SLC25A21: variants seen among roughly 807,000 people sequenced by gnomAD.
The protein encoded by SLC25A21 is solute carrier family 25 member 21, also known as mitochondrial 2-oxodicarboxylate carrier.
SLC25A21 carries 47 observed loss-of-function variants against 43.8 expected under a neutral mutation model. The ratio of observed to expected loss-of-function variants is 1.07; its 90% CI spans 0.85 to 1.37. The LOEUF (loss-of-function observed/expected upper bound fraction) is 1.37. Among genes scored for constraint, SLC25A21 ranks in the 40% most tolerant of loss-of-function variants. The probability of loss-of-function intolerance (pLI) is 0.00; values close to 1 mark genes in which losing one functional copy is unlikely to be tolerated. For synonymous variants in SLC25A21, 131 were observed against 121.3 expected (o/e 1.08, Z -0.52); for missense variants, 352 against 350.2 (o/e 1.00, Z -0.04).
chr14:36,899,995 G>C (rs1387616746), intron 1 of SLC25A21, among the ~76,000 whole-genome samples: 1 of 152,086 alleles, frequency 6.6e-6, no homozygotes, highest in Non-Finnish European at 1.5e-5. Context: ...GGTTGTATGA[G>C]AGAAAATTCA....
chr14:36,815,796 T>C (rs1033643349), intron 2 of SLC25A21, among the ~76,000 whole-genome samples: 1 of 152,170 alleles, frequency 6.6e-6, no homozygotes, highest in African/African-American at 2.4e-5. Context: ...TTCTTTACCC[T>C]GCCTATTCCT....
chr14:36,754,127 A>G (rs1885833058), intron 3 of SLC25A21, among the ~76,000 whole-genome samples: 1 of 152,076 alleles, frequency 6.6e-6, no homozygotes, highest in Non-Finnish European at 1.5e-5. Flanking sequence ...CGTTATTCTG[A>G]GTGTTTCTGT....
At chr14:36,813,366 A>ATT (rs5807910) in intron 3 of SLC25A21, among the ~76,000 whole-genome samples, 37 of 149,370 alleles carry the variant, frequency 2.5e-4, no homozygotes, top group Admixed American at 8.0e-4. Context: ...GGACGCATCA[A>ATT]TTTTTTTTTT....
intron 2 of SLC25A21, among the ~76,000 whole-genome samples, chr14:36,872,277 T>C (rs1338660203): frequency 6.6e-6 from 1 of 152,052 alleles, no homozygotes; most frequent in Non-Finnish European, 1.5e-5. Flanking sequence ...TGTTTTGGGG[T>C]TCTATTTCTG....
chr14:36,770,142 G>A (rs1886564195), intron 3 of SLC25A21, among the ~76,000 whole-genome samples: 1 of 152,118 alleles, frequency 6.6e-6, no homozygotes, highest in African/African-American at 2.4e-5. Flanking sequence ...ATGGTGGACT[G>A]GATAAAGAAA....
At chr14:36,752,134 G>C (rs1246746560) in intron 3 of SLC25A21, among the ~76,000 whole-genome samples, 2 of 152,168 alleles carry the variant, frequency 1.3e-5, no homozygotes, top group African/African-American at 4.8e-5. Context: ...AATAATGCCA[G>C]GTCAACATTG....
At chr14:36,793,707 C>T (rs1280154078) in intron 3 of SLC25A21, among the ~76,000 whole-genome samples, 5 of 152,024 alleles carry the variant, frequency 3.3e-5, no homozygotes, top group African/African-American at 9.7e-5. Flanking sequence ...CAAAAATCCA[C>T]GTGCAGTTTC....
intron 3 of SLC25A21, among the ~76,000 whole-genome samples, chr14:36,751,396 A>C (rs1885703388): frequency 6.6e-6 from 1 of 152,208 alleles, no homozygotes; most frequent in South Asian, 2.1e-4. Flanking sequence ...TGAACCAACA[A>C]AGAAGTCAGG....
intron 2 of SLC25A21, among the ~76,000 whole-genome samples, chr14:36,816,478 A>C (rs559642091): frequency 7.6e-4 from 114 of 150,310 alleles, no homozygotes; most frequent in African/African-American, 2.7e-3. Context: ...TAAAAATGAC[A>C]CATTTAACAT....
At chr14:36,854,066 T>C (rs561615131) in intron 2 of SLC25A21, among the ~76,000 whole-genome samples, 2 of 152,272 alleles carry the variant, frequency 1.3e-5, no homozygotes, top group East Asian at 3.9e-4. Flanking sequence ...ATTCCTTCAC[T>C]CCCTCCCTCA....
At chr14:36,990,960 T>C (rs1027096047) in intron 1 of SLC25A21, among the ~76,000 whole-genome samples, 7 of 152,184 alleles carry the variant, frequency 4.6e-5, no homozygotes, top group South Asian at 2.1e-4. Flanking sequence ...ATCAGTCAAC[T>C]TGGAGTTCTT....
chr14:37,070,097 C>T (rs568999289), intron 1 of SLC25A21, among the ~76,000 whole-genome samples: 3 of 152,144 alleles, frequency 2.0e-5, no homozygotes, highest in South Asian at 2.1e-4. Flanking sequence ...GGTAATTTAA[C>T]GAATCCAGGA....
At chr14:36,691,303 TCACA>T (rs1882785274) in intron 7 of SLC25A21, among the ~76,000 whole-genome samples, 1 of 152,052 alleles carries the variant, frequency 6.6e-6, no homozygotes, top group Non-Finnish European at 1.5e-5. Flanking sequence ...AATCCCAGAA[TCACA>T]AGACTAGGAG....
chr14:37,078,415 A>ATCATCT (rs1962324224), intron 1 of SLC25A21, among the ~76,000 whole-genome samples: 2 of 152,104 alleles, frequency 1.3e-5, no homozygotes, highest in South Asian at 2.1e-4. Flanking sequence ...ATACGTCAGG[A>ATCATCT]TAAGGAATAG....
At chr14:37,015,804 AT>A (rs1422609276) in intron 1 of SLC25A21, among the ~76,000 whole-genome samples, 18 of 152,002 alleles carry the variant, frequency 1.2e-4, no homozygotes, top group African/African-American at 4.1e-4. Context: ...GACGGTGAGC[AT>A]TTTTTCATGT....
chr14:36,888,241 T>G (rs1484308308), intron 1 of SLC25A21, among the ~76,000 whole-genome samples: 1 of 152,186 alleles, frequency 6.6e-6, no homozygotes, highest in Non-Finnish European at 1.5e-5. Flanking sequence ...CAGTAGTTCT[T>G]TAACTTTGCT....
intron 3 of SLC25A21, among the ~76,000 whole-genome samples, chr14:36,762,237 A>G (rs1349733890): frequency 6.6e-6 from 1 of 152,228 alleles, no homozygotes; most frequent in African/African-American, 2.4e-5. Flanking sequence ...GATGCTTACT[A>G]TCAGGCACTG....
chr14:36,828,039 C>T (rs1925685), intron 2 of SLC25A21, among the ~76,000 whole-genome samples: 57,190 of 151,868 alleles, frequency 0.38, 12,531 homozygotes, highest in South Asian at 0.55. Context: ...TGGCTAGGAC[C>T]GATGTGTCTC....
chr14:37,087,725 G>A (rs1408297572), intron 1 of SLC25A21, among the ~76,000 whole-genome samples: 3 of 152,188 alleles, frequency 2.0e-5, no homozygotes, highest in Non-Finnish European at 2.9e-5. Context: ...CAACAAGCCA[G>A]AAAAGAGACA....
Sources: allele counts gnomAD v4.1 joint callset (sites outside exome capture counted in the v4.1 genomes callset), GRCh38; gene constraint gnomAD v4.1.1; transcripts MANE v1.5; gene names NCBI Gene and HGNC (gene_info 2026-07-23, HGNC 2026-07-21).